The following ZNF546 variants were observed in gnomAD, a reference collection of about 807,000 sequenced individuals.
ZNF546 encodes the protein CTC-471F3.6.
Under a neutral mutation model 76.2 loss-of-function variants are expected in ZNF546, and 60 were observed. The ratio of observed to expected loss-of-function variants is 0.79; its 90% CI spans 0.64 to 0.98. ZNF546 has a LOEUF of 0.98. ZNF546 is among the 50% of genes least tolerant of loss of function. The pLI is 0.00. For synonymous variants in ZNF546, 277 were observed against 328.1 expected (o/e 0.84, Z 1.68); for missense variants, 936 against 1,035.6 (o/e 0.90, Z 1.32).
intron 3 of ZNF546, among the ~76,000 whole-genome samples, chr19:40,000,784 G>C (rs1447620471): frequency 6.6e-6 from 1 of 152,050 alleles, no homozygotes; most frequent in Non-Finnish European, 1.5e-5. Flanking sequence ...TTTGGCACCA[G>C]GACTGGTTTC....
intron 3 of ZNF546, among the ~76,000 whole-genome samples, chr19:40,000,960 G>T (rs1412005143): frequency 2.0e-5 from 3 of 152,078 alleles, no homozygotes; most frequent in Non-Finnish European, 4.4e-5. Flanking sequence ...ACCTGAGCTT[G>T]TTTTCCTGCA....
intron 3 of ZNF546, among the ~76,000 whole-genome samples, chr19:40,004,310 C>T (rs1354959303): frequency 6.6e-6 from 1 of 151,926 alleles, no homozygotes; most frequent in Non-Finnish European, 1.5e-5. Flanking sequence ...TCCCGTCGCA[C>T]AGGCTGGACT....
intron 6 of ZNF546, among the ~76,000 whole-genome samples, chr19:40,010,629 A>C (rs149097359): frequency 6.6e-6 from 1 of 152,192 alleles, no homozygotes; most frequent in African/African-American, 2.4e-5. Flanking sequence ...TTTATCATCC[A>C]TATATCTTCT....
At chr19:40,005,317 G>T (rs921770235) in intron 3 of ZNF546, among the ~76,000 whole-genome samples, 19 of 150,282 alleles carry the variant, frequency 1.3e-4, no homozygotes, top group African/African-American at 4.7e-4. Context: ...ACCGCGCCCG[G>T]CCTAACCTGC....
In ZNF546 at chr19:40,019,606, T is replaced by C. The variant is rs1245186309; in HGVS notation, c.*3825T>C. On this transcript the variant is annotated 3_prime_UTR_variant, in exon 7 of 7. Coordinates refer to ENST00000347077, the MANE Select transcript of ZNF546 (RefSeq NM_178544.5). ...TGAAAATTTCAAGGAGGAAGTAATA[T>C]CAAAATTTCACTAGCTCTTTCTACA... 2 of 152,142 alleles carry C rather than the reference T, an allele frequency of 1.3e-5. No individual in the cohort carries two copies. Among genetic ancestry groups the C allele is most frequent in the African/African-American group, 4.8e-5 (2 of 41,440 alleles). 9.4% of individuals were successfully genotyped at this position (152,142 alleles called of 1,614,324 possible). A position where few individuals can be genotyped will look rare whatever the true frequency, so the allele number is the denominator to read the frequency against.
intron 6 of ZNF546, 24 bp from the exon 7 acceptor site, chr19:40,013,640 CT>C (rs546130223): frequency 0.17 from 179,932 of 1,069,230 alleles, 198 homozygotes; most frequent in African/African-American, 0.21. Context: ...TTACTCTTTG[CT>C]TTTTTTTTTT....
rs1351099096 is a variant in ZNF546 at position 40,017,781 on chromosome 19, T to A, written c.*2000T>A. ...CCTAAGGAGATTAGCAATAATTCCA[T>A]AATCTGTAATATTCAGTCTGTGTTC... On this transcript the variant is annotated 3_prime_UTR_variant, in exon 7 of 7. Transcript: ENST00000347077. 1.3e-5 allele frequency: 2 copies of A among 152,182 alleles called. No individual in the cohort carries two copies. Among genetic ancestry groups the A allele is most frequent in the African/African-American group, 4.8e-5 (2 of 41,450 alleles). 9.4% of individuals were successfully genotyped at this position (152,182 alleles called of 1,614,324 possible).
At chr19:40,003,575 T>G (rs1372115244) in intron 3 of ZNF546, among the ~76,000 whole-genome samples, 1 of 152,068 alleles carries the variant, frequency 6.6e-6, no homozygotes, top group Non-Finnish European at 1.5e-5. Flanking sequence ...TTGTCAGGAG[T>G]ACATGAAAAG....
intron 3 of ZNF546, among the ~76,000 whole-genome samples, chr19:40,000,576 A>C (rs1446985087): frequency 6.7e-6 from 1 of 149,604 alleles, no homozygotes; most frequent in Non-Finnish European, 1.5e-5. Context: ...AGATAGCACC[A>C]CTGCCCTCCA....
In ZNF546 at chr19:40,015,795, GCCTTTAGAAAATGC is replaced by G. The variant is rs1971758612; in HGVS notation, c.*22_*35del. 12 of 1,610,698 alleles carry G rather than the reference GCCTTTAGAAAATGC, an allele frequency of 7.5e-6. No homozygotes were observed. Among genetic ancestry groups the G allele is most frequent in the Non-Finnish European group, 9.3e-6 (11 of 1,178,024 alleles). ...TGCATAATGTAAAGAGAATACGATGGCCTTTAGAAAATGCCCTTTAGCAGAGAATTTGTAATTTA... is the reference window on the plus strand; with the variant it reads ...TGCATAATGTAAAGAGAATACGATGGCCTTTAGCAGAGAATTTGTAATTTA... On this transcript the variant is annotated 3_prime_UTR_variant, in exon 7 of 7. Coordinates refer to ENST00000347077, the MANE Select transcript of ZNF546 (RefSeq NM_178544.5).
intron 1 of ZNF546, among the ~76,000 whole-genome samples, chr19:39,997,505 C>G (rs1971469645): frequency 1.3e-5 from 2 of 152,132 alleles, no homozygotes; most frequent in South Asian, 4.1e-4. Context: ...AAATATCGAG[C>G]TCTGGGATGA....
Position 40,015,343 on chromosome 19 carries a change from G to T in ZNF546, c.2073G>T (p.Lys691Asn), listed in dbSNP as rs1189013183. The change falls in exon 7 of 7, where the codon AAG (lysine) becomes AAT (asparagine). Residue 691 changes from lysine (K) to asparagine (N), a missense_variant. Coordinates refer to ENST00000347077, the MANE Select transcript of ZNF546 (RefSeq NM_178544.5). Reference protein sequence around the residue: ...TQHHRGHTGEKPYICNECGNA... With the variant: ...TQHHRGHTGENPYICNECGNA... ...ATCACAGAGGCCATACTGGTGAGAA[G>T]CCCTACATATGTAATGAATGTGGGA... is the stretch of plus-strand genomic sequence containing the variant. 2 of 1,613,948 alleles carry T rather than the reference G, an allele frequency of 1.2e-6. No homozygotes were observed. Among genetic ancestry groups the T allele is most frequent in the Non-Finnish European group, 8.5e-7 (1 of 1,179,992 alleles).
rs1971783016 is a variant in ZNF546 at position 40,017,215 on chromosome 19, G to A, written c.*1434G>A. 1 of 152,156 alleles carries A rather than the reference G, an allele frequency of 6.6e-6. No homozygotes were observed. 9.4% of individuals were successfully genotyped at this position (152,156 alleles called of 1,614,324 possible). A position where few individuals can be genotyped will look rare whatever the true frequency, so the allele number is the denominator to read the frequency against. ...AATTAATGTGAGAAAGAAATCTCTA[G>A]ATTTGATGGGTGTGAAGATTATGAG... On this transcript the variant is annotated 3_prime_UTR_variant, in exon 7 of 7. Transcript: ENST00000347077.
rs1366190035 is a variant in ZNF546 at position 39,998,363 on chromosome 19, G to T, written c.37G>T (p.Asp13Tyr). 6.2e-7 allele frequency: 1 copy of T among 1,614,098 alleles called. No individual in the cohort carries two copies. The highest frequency in any genetic ancestry group is 1.1e-5 in the South Asian group (1 of 91,080). The change falls in exon 3 of 7, where the codon GAC becomes TAC. Residue 13 changes from aspartate to tyrosine, a missense_variant. Coordinates refer to ENST00000347077, the MANE Select transcript of ZNF546 (RefSeq NM_178544.5). ...CCCTCCTCTTCACGGGCCTCCAAAT[G>T]ACTTTCTCATTTTTCAAATCATTCC... ...VDPPLHGPPNDFLIFQIIPLH... is the reference protein window; with the variant it reads ...VDPPLHGPPNYFLIFQIIPLH...
chr19:40,015,266 G>A lies in ZNF546; in HGVS notation c.1996G>A (p.Glu666Lys), dbSNP rs149977543. 89 of 1,612,876 alleles carry A rather than the reference G, an allele frequency of 5.5e-5. No homozygotes were observed. Among genetic ancestry groups the A allele is most frequent in the African/African-American group, 4.0e-5 (3 of 74,570 alleles). The stretch of plus-strand genomic sequence containing the variant: ...AATTCATACTGGTGAGAAACCCTAC[G>A]AATGTACGGAATGTGGGAAGACGTT... ...HRIHTGEKPYECTECGKTFSR... is the reference protein window; with the variant it reads ...HRIHTGEKPYKCTECGKTFSR... The change falls in exon 7 of 7, where the codon GAA becomes AAA. Residue 666 changes from glutamate (E) to lysine (K), a missense_variant. Transcript: ENST00000347077.
chr19:40,013,907 A>G lies in ZNF546; in HGVS notation c.637A>G (p.Arg213Gly), dbSNP rs778947780. 12 of 1,607,928 alleles carry G rather than the reference A, an allele frequency of 7.5e-6. No individual in the cohort carries two copies. The South Asian group carries it at 1.0e-4, about 13-fold the overall frequency. Residue 213 changes from arginine (R) to glycine (G), a missense_variant, in exon 7 of 7, where the codon AGA (arginine) becomes GGA (glycine). Physicochemically the swap from Arg to Gly is moderately radical, Grantham distance 125 (BLOSUM62 -2). Transcript: ENST00000347077. ...TCCTCTACATCCAAAAATTCATGCT[A>G]GAGAGAAATCATATGAATGTAAGGA... Reference protein sequence around the residue: ...SHPLHPKIHAREKSYECKECR... With the variant: ...SHPLHPKIHAGEKSYECKECR...
Position 40,014,672 on chromosome 19 carries a change from C to A in ZNF546, c.1402C>A (p.Pro468Thr). 1 of 1,613,854 alleles carries A rather than the reference C, an allele frequency of 6.2e-7. No individual in the cohort carries two copies. The highest frequency in any genetic ancestry group is 8.5e-7 in the Non-Finnish European group (1 of 1,179,978). ...TCATAGAACTCATACTGGTGAGAAACCCTATGAATGTAAGGAATGTGGGAA... is the reference window on the plus strand; with the variant it reads ...TCATAGAACTCATACTGGTGAGAAAACCTATGAATGTAAGGAATGTGGGAA... Reference protein sequence around the residue: ...RHHRTHTGEKPYECKECGKAF... With the variant: ...RHHRTHTGEKTYECKECGKAF... Residue 468 changes from proline (P) to threonine (T), a missense_variant, in exon 7 of 7, where the codon CCC becomes ACC. Coordinates refer to ENST00000347077, the MANE Select transcript of ZNF546 (RefSeq NM_178544.5).
At chr19:39,997,696 A>G (rs1971472867) in intron 1 of ZNF546, among the ~76,000 whole-genome samples, 165 bp from the exon 2 acceptor site, 2 of 152,156 alleles carry the variant, frequency 1.3e-5, no homozygotes, top group Non-Finnish European at 2.9e-5. Flanking sequence ...ACCTGGTGTG[A>G]GTTCAGAGAC....
chr19:40,018,613 A>AT lies in ZNF546; in HGVS notation c.*2833dup, dbSNP rs1262857174. ...AATCTGGCCAGGTGGGCCTGTGTTT[A>AT]TGGCAGGAATAACACTGTGATTTCC... On this transcript the variant is annotated 3_prime_UTR_variant, in exon 7 of 7. Transcript: ENST00000347077. 6.6e-6 allele frequency: 1 copy of AT among 152,242 alleles called. No individual in the cohort carries two copies. Among genetic ancestry groups the AT allele is most frequent in the Non-Finnish European group, 1.5e-5 (1 of 68,036 alleles). The allele number at this position is 152,242 out of a possible 1,614,324, so 9.4% of individuals were successfully genotyped here. A position where few individuals can be genotyped will look rare whatever the true frequency, so the allele number is the denominator to read the frequency against.
Sources: gnomAD v4.1 joint callset for allele counts (sites outside exome capture counted in the v4.1 genomes callset) on GRCh38, gnomAD v4.1.1 for gene constraint, MANE v1.5 for transcripts, NCBI Gene and HGNC (gene_info 2026-07-23, HGNC 2026-07-21) for gene names.